Variants in ACOX3 observed in about 807,000 individuals in gnomAD.
ACOX3 encodes acyl-CoA oxidase 3, pristanoyl, also known as peroxisomal acyl-coenzyme A oxidase 3.
In ACOX3, 73 loss-of-function variants were observed where a neutral mutation model predicts 81.5. The observed-to-expected ratio is 0.90, with a 90% CI of 0.74 to 1.09. The LOEUF (loss-of-function observed/expected upper bound fraction) is 1.09. Ranked by LOEUF, ACOX3 falls within the 50% of genes least tolerant of loss-of-function variation. ACOX3 has a pLI of 0.00. For synonymous variants in ACOX3, 387 were observed against 375.1 expected, an observed-to-expected ratio of 1.03 and a Z score of -0.37; for missense variants, 947 against 928.0, an observed-to-expected ratio of 1.02 and a Z score of -0.27.
chr4:8,435,797 A>G (rs1724203152), intron 1 of ACOX3, among the ~76,000 whole-genome samples: 1 of 152,188 alleles, frequency 6.6e-6, no homozygotes, highest in Non-Finnish European at 1.5e-5. Flanking sequence ...AAGAGAAGCC[A>G]GTTTTGCAGG....
At chr4:8,415,673 T>C in intron 3 of ACOX3, 93 bp downstream of exon 3, 1 of 1,099,212 alleles carries the variant, frequency 9.1e-7, no homozygotes, top group Non-Finnish European at 1.3e-6. Context: ...AAACTGGTGT[T>C]TCTCTGCCTC....
At chr4:8,361,656 G>C (rs2108769270), downstream of ACOX3, among the ~76,000 whole-genome samples, 1 of 152,030 alleles carries the variant, frequency 6.6e-6, no homozygotes, top group East Asian at 1.9e-4. Context: ...CCTATGACCT[G>C]CTCTTTAATA....
chr4:8,405,942 C>T lies in ACOX3; in HGVS notation c.776+13G>A. On this transcript the variant is annotated intron_variant, in intron 7 of 17. Transcript: ENST00000356406. This position sits in a 1 kb window ranked among gnomAD's most constrained non-coding sequence, Gnocchi z 7.1. ...GGCAGGAAGCTCAGGGCTCAGCAGC[C>T]TCTGTCACTCACCCATTATCCAGAC... 1 of 1,613,264 alleles carries T rather than the reference C, an allele frequency of 6.2e-7. No homozygotes were observed. Among genetic ancestry groups the T allele is most frequent in the Non-Finnish European group, 8.5e-7 (1 of 1,179,266 alleles).
At position 8,381,934 on chromosome 4, in the gene ACOX3, C is replaced by T. The variant is rs139566884; in HGVS notation, c.1538-327G>A. Among the ~76,000 whole-genome samples, 564 of 152,386 alleles carry T rather than the reference C, an allele frequency of 3.7e-3. 2 individuals carry two copies. Among genetic ancestry groups the T allele is most frequent in the Middle Eastern group, 0.02 (6 of 294 alleles). ...CCCGAGTGGGACGGCTGCACGTTCT[C>T]GCACGCACCAGGCTCGGTCTGTGTG... On this transcript the variant is annotated intron_variant, in intron 13 of 17. Coordinates refer to ENST00000356406, the MANE Select transcript of ACOX3 (RefSeq NM_003501.3). The surrounding 1 kb of genome is among the most constrained non-coding windows in gnomAD (Gnocchi z 4.3).
intron 1 of ACOX3, among the ~76,000 whole-genome samples, chr4:8,429,163 T>C (rs538546206): frequency 1.3e-5 from 2 of 152,202 alleles, no homozygotes; most frequent in East Asian, 1.9e-4. Context: ...ACACTTCTTA[T>C]GAAATTTACA....
At chr4:8,357,904 C>CG in the ACOX3 span, 2 of 155,182 alleles carry the variant, frequency 1.3e-5, no homozygotes, top group African/African-American at 4.8e-5. Context: ...TTGCAGCCAC[C>CG]GGGACCCAAA....
At chr4:8,356,106 C>A in the ACOX3 span, 2 of 224,400 alleles carry the variant, frequency 8.9e-6, no homozygotes, top group Non-Finnish European at 1.8e-5. Flanking sequence ...GGAGACTTAC[C>A]ATGTGCTGTC....
intron 16 of ACOX3, among the ~76,000 whole-genome samples, chr4:8,372,856 C>T (rs1716391823): frequency 6.6e-6 from 1 of 152,218 alleles, no homozygotes; most frequent in Non-Finnish European, 1.5e-5. Context: ...CACAGTGGCC[C>T]TGCCCACCGC....
chr4:8,359,052 T>G, the ACOX3 span, among the ~76,000 whole-genome samples: 2 of 152,110 alleles, frequency 1.3e-5, no homozygotes, highest in African/African-American at 4.8e-5. The surrounding 1 kb of genome is among the most constrained non-coding windows in gnomAD (Gnocchi z 6.0). Flanking sequence ...AACCCTTGAC[T>G]CAAAGGTTTA....
At chr4:8,376,000 G>A (rs1169472724) in intron 14 of ACOX3, among the ~76,000 whole-genome samples, 1 of 152,124 alleles carries the variant, frequency 6.6e-6, no homozygotes, top group Non-Finnish European at 1.5e-5. Flanking sequence ...CTGGCTGGCA[G>A]GATGATTGCT....
In ACOX3 at chr4:8,407,626, A is replaced by C. The variant is rs1721142897; in HGVS notation, c.688-1583T>G. 6.6e-6 allele frequency among the ~76,000 whole-genome samples: 1 copy of C among 152,210 alleles called. No homozygotes were observed. The highest frequency in any genetic ancestry group is 1.5e-5 in the Non-Finnish European group (1 of 68,022). On this transcript the variant is annotated intron_variant, in intron 6 of 17. Coordinates refer to ENST00000356406, the MANE Select transcript of ACOX3 (RefSeq NM_003501.3). This position sits in a 1 kb window ranked among gnomAD's most constrained non-coding sequence, Gnocchi z 4.6. ...CGGTGCTGCCGGGAGGACGTCGGGA[A>C]TTTCATATTCACGTTTTAGACACAG...
chr4:8,376,828 G>C (rs1435689386), intron 14 of ACOX3, among the ~76,000 whole-genome samples: 1 of 147,192 alleles, frequency 6.8e-6, no homozygotes, highest in Non-Finnish European at 1.5e-5. Context: ...ACTTGCTCTG[G>C]GGCAGTAGGG....
chr4:8,390,182 G>GAA lies in ACOX3; in HGVS notation c.1301-450_1301-449dup, dbSNP rs11462533. ...GTGAGACCCTATCTCTATAAAAAATGAAAAAAAAAATTAGCTGGGCATAGT... is the reference window on the plus strand; with the variant it reads ...GTGAGACCCTATCTCTATAAAAAATGAAAAAAAAAAAATTAGCTGGGCATAGT... On this transcript the variant is annotated intron_variant, in intron 11 of 17. Coordinates refer to ENST00000356406, the MANE Select transcript of ACOX3 (RefSeq NM_003501.3). Among the ~76,000 whole-genome samples the GAA allele has an allele frequency of 1.1e-3, 164 of 147,544 alleles. 2 individuals are homozygous for GAA. The highest frequency in any genetic ancestry group is 3.9e-3 in the African/African-American group (154 of 39,332).
chr4:8,411,271 TG>T, intron 5 of ACOX3, among the ~76,000 whole-genome samples: 1 of 152,224 alleles, frequency 6.6e-6, no homozygotes, highest in Non-Finnish European at 1.5e-5. Flanking sequence ...GGGGCTGTCG[TG>T]GCTAAGTTTT....
chr4:8,389,529 C>G lies in ACOX3; in HGVS notation c.1423+83G>C. 1 of 1,587,328 alleles carries G rather than the reference C, an allele frequency of 6.3e-7. No homozygotes were observed. ...GCAAACCTAGGATGCATTCACAGAA[C>G]AGCTGAATCAGTGAGGCCAGGAGAA... On this transcript the variant is annotated intron_variant, in intron 12 of 17. Transcript: ENST00000356406. This position sits in a 1 kb window ranked among gnomAD's most constrained non-coding sequence, Gnocchi z 5.3.
Position 8,370,971 on chromosome 4 carries a change from C to T in ACOX3, c.1920G>A (p.Leu640=), listed in dbSNP as rs1489511930. The T allele has an allele frequency of 1.2e-6, 2 of 1,614,140 alleles. No homozygotes were observed. Among genetic ancestry groups the T allele is most frequent in the Non-Finnish European group, 8.5e-7 (1 of 1,180,028 alleles). Residue 640 remains leucine (L), a synonymous_variant, in exon 17 of 18, where the codon CTG becomes CTA. Coordinates refer to ENST00000356406, the MANE Select transcript of ACOX3 (RefSeq NM_003501.3). This position sits in a 1 kb window ranked among gnomAD's most constrained non-coding sequence, Gnocchi z 6.3. ...AGTCAGGAGGAGCGATCACGTCTAC[C>T]AGGGCAACTGCATCGTCTTTCAGCT... ...CSQLKDDAVA[L]VDVIAPPDFV... is the part of the protein sequence containing the mutation.
rs552214471 is a variant in ACOX3, at chr4:8,389,594, T to C, written c.1423+18A>G. Reference sequence around the variant, plus strand: ...AGTTGGGTTCCAGCGCCCCCACCAGTGTGCAGCAGAGCCTCACCGTGGACC... The same window carrying C: ...AGTTGGGTTCCAGCGCCCCCACCAGCGTGCAGCAGAGCCTCACCGTGGACC... On this transcript the variant is annotated intron_variant, in intron 12 of 17. Coordinates refer to ENST00000356406, the MANE Select transcript of ACOX3 (RefSeq NM_003501.3). This position sits in a 1 kb window ranked among gnomAD's most constrained non-coding sequence, Gnocchi z 5.3. The C allele has an allele frequency of 8.5e-5, 137 of 1,613,384 alleles. No homozygotes were observed. The South Asian group carries it at 1.3e-3, about 15-fold the overall frequency.
intron 5 of ACOX3, among the ~76,000 whole-genome samples, chr4:8,410,627 T>A (rs1721612265): frequency 6.6e-6 from 1 of 152,118 alleles, no homozygotes; most frequent in Non-Finnish European, 1.5e-5. Flanking sequence ...TCATATAGTC[T>A]TCAGTCCCTA....
intron 13 of ACOX3, among the ~76,000 whole-genome samples, chr4:8,388,359 C>T (rs1018050504): frequency 1.3e-5 from 2 of 152,238 alleles, no homozygotes; most frequent in South Asian, 2.1e-4. Flanking sequence ...TCATGCTGGC[C>T]GCCAGCCCCA....
Sources: allele counts gnomAD v4.1 joint callset (sites outside exome capture counted in the v4.1 genomes callset), GRCh38; gene constraint gnomAD v4.1.1; non-coding constraint Gnocchi (gnomAD v3.1); transcripts MANE v1.5; gene names NCBI Gene and HGNC (gene_info 2026-07-23, HGNC 2026-07-21).